Variants in OPN3 observed in about 807,000 individuals in gnomAD.
OPN3 encodes the protein opsin 3.
OPN3 carries 29 observed loss-of-function variants against 33.8 expected under a neutral mutation model. The ratio of observed to expected loss-of-function variants is 0.86; its 90% CI spans 0.64 to 1.17. The LOEUF (loss-of-function observed/expected upper bound fraction) is 1.17, where lower values mean the gene tolerates loss of function less well. Among genes scored for constraint, OPN3 ranks in the 50% most tolerant of loss-of-function variants. The pLI, the probability that OPN3 is intolerant of heterozygous loss-of-function variation, is 0.00. For missense variants in OPN3, 437 were observed against 514.1 expected (o/e 0.85, Z 1.45); for synonymous variants, 216 against 216.1 (o/e 1.00, Z 0.00).
At chr1:241,630,565 T>C (rs1324060590) in intron 1 of OPN3, 1 of 152,078 alleles carries the variant, frequency 6.6e-6, no homozygotes, top group Non-Finnish European at 1.5e-5. Context: ...AAAATATTTA[T>C]GCTACTTTCC....
At chr1:241,603,277 T>C (rs1437529893) in intron 2 of OPN3, among the ~76,000 whole-genome samples, 2 of 152,142 alleles carry the variant, frequency 1.3e-5, no homozygotes, top group African/African-American at 4.8e-5. Flanking sequence ...CCCTTGATAA[T>C]GGCTTTGTTT....
At chr1:241,612,878 T>C (rs1274312248) in intron 1 of OPN3, among the ~76,000 whole-genome samples, 2 of 152,092 alleles carry the variant, frequency 1.3e-5, no homozygotes, top group Non-Finnish European at 2.9e-5. Flanking sequence ...CTCTTTCTCC[T>C]CATGGTCCCC....
At chr1:241,599,720 C>A (rs929184963) in intron 2 of OPN3, among the ~76,000 whole-genome samples, 2 of 151,926 alleles carry the variant, frequency 1.3e-5, no homozygotes, top group Admixed American at 6.6e-5. Flanking sequence ...AGTTTATATC[C>A]CAGATTAACC....
intron 1 of OPN3, among the ~76,000 whole-genome samples, chr1:241,625,359 AGTCT>A (rs1664387545): frequency 6.6e-6 from 1 of 152,186 alleles, no homozygotes; most frequent in Admixed American, 6.5e-5. Flanking sequence ...ATTTGCCAAT[AGTCT>A]GTCAAGTGAA....
intron 1 of OPN3, chr1:241,639,243 C>T (rs1410403249): frequency 6.6e-6 from 1 of 152,178 alleles, no homozygotes; most frequent in Admixed American, 6.5e-5. Context: ...TGCTGGAACC[C>T]ATCTATAAGA....
chr1:241,618,248 A>C (rs1458988585), intron 1 of OPN3, among the ~76,000 whole-genome samples: 1 of 152,226 alleles, frequency 6.6e-6, no homozygotes, highest in East Asian at 1.9e-4. Context: ...TCTTTCCTTT[A>C]ATAAGAATGC....
chr1:241,611,479 C>T (rs1023901877), intron 1 of OPN3, among the ~76,000 whole-genome samples: 10 of 129,380 alleles, frequency 7.7e-5, no homozygotes, highest in Non-Finnish European at 4.7e-5. Context: ...AGATTAAGCA[C>T]ACTTTAACAA....
chr1:241,599,570 C>A (rs188452337), intron 2 of OPN3, among the ~76,000 whole-genome samples: 506 of 152,092 alleles, frequency 3.3e-3, no homozygotes, highest in Non-Finnish European at 6.3e-3. Context: ...GTGTGCAATT[C>A]TATTTTAAAA....
chr1:241,635,019 T>A (rs759701818), intron 1 of OPN3: 1 of 1,613,436 alleles, frequency 6.2e-7, no homozygotes, highest in Non-Finnish European at 8.5e-7. Flanking sequence ...ACATCTGATT[T>A]GATTAAAAGA....
At chr1:241,609,423 A>T (rs1169003155) in intron 1 of OPN3, among the ~76,000 whole-genome samples, 1 of 152,208 alleles carries the variant, frequency 6.6e-6, no homozygotes, top group Non-Finnish European at 1.5e-5. Flanking sequence ...CTAAAGGGTG[A>T]CTTCTACCTC....
chr1:241,639,793 C>A (rs371072991), intron 1 of OPN3, 89 bp downstream of exon 1: 2 of 1,071,854 alleles, frequency 1.9e-6, no homozygotes, highest in Non-Finnish European at 2.3e-6. Flanking sequence ...CGGTGCGGGG[C>A]GGGCTGGGGG....
At chr1:241,635,958 G>A in intron 1 of OPN3, 2 of 580,064 alleles carry the variant, frequency 3.4e-6, no homozygotes, top group South Asian at 2.5e-5. Flanking sequence ...ACATGAGCAA[G>A]TACATCTAAT....
At chr1:241,623,053 T>TA (rs1340957174) in intron 1 of OPN3, among the ~76,000 whole-genome samples, 2 of 151,078 alleles carry the variant, frequency 1.3e-5, no homozygotes, top group Non-Finnish European at 2.9e-5. Flanking sequence ...TTGTTTTTTT[T>TA]AAAGAGTCTA....
chr1:241,598,028 T>TA, intron 2 of OPN3, 31 bp from the exon 3 acceptor site: 1 of 1,598,998 alleles, frequency 6.3e-7, no homozygotes, highest in Non-Finnish European at 8.5e-7. Context: ...GGAAAGGGCT[T>TA]AAAAAACAAA....
chr1:241,605,913 T>G (rs1573953800), intron 1 of OPN3, among the ~76,000 whole-genome samples: 2 of 152,262 alleles, frequency 1.3e-5, no homozygotes, highest in African/African-American at 4.8e-5. Flanking sequence ...TTTTTTTATT[T>G]TTTAACCTTT....
chr1:241,627,360 CTT>C (rs1664449538), intron 1 of OPN3, among the ~76,000 whole-genome samples: 1 of 152,168 alleles, frequency 6.6e-6, no homozygotes, highest in Non-Finnish European at 1.5e-5. Flanking sequence ...ATAAATCACT[CTT>C]GAGATGCAAG....
chr1:241,627,806 C>T (rs1433176931), intron 1 of OPN3, among the ~76,000 whole-genome samples: 2 of 152,114 alleles, frequency 1.3e-5, no homozygotes, highest in South Asian at 2.1e-4. Context: ...GAGGAAGCAG[C>T]CACCTTTACG....
chr1:241,630,626 T>C (rs1188878593), intron 1 of OPN3: 1 of 152,096 alleles, frequency 6.6e-6, no homozygotes, highest in Non-Finnish European at 1.5e-5. Context: ...GACAGGTCTC[T>C]TTAACCATAT....
At chr1:241,601,424 G>A (rs1663674017) in intron 2 of OPN3, among the ~76,000 whole-genome samples, 1 of 152,040 alleles carries the variant, frequency 6.6e-6, no homozygotes, top group African/African-American at 2.4e-5. Flanking sequence ...AAAATATAGG[G>A]CTAGGAGCAG....
Sources: allele counts gnomAD v4.1 joint callset (sites outside exome capture counted in the v4.1 genomes callset), GRCh38; gene constraint gnomAD v4.1.1; transcripts MANE v1.5; gene names NCBI Gene and HGNC (gene_info 2026-07-23, HGNC 2026-07-21).